DHX34: variants seen among roughly 807,000 people sequenced by gnomAD.
DHX34 encodes probable ATP-dependent RNA helicase DHX34.
Under a neutral mutation model 111.1 loss-of-function variants are expected in DHX34, and 96 were observed. The observed-to-expected ratio is 0.86, with a 90% confidence interval of 0.73 to 1.02. DHX34 has a LOEUF of 1.02. Ranked by LOEUF, DHX34 falls within the 50% of genes least tolerant of loss-of-function variation. The probability of loss-of-function intolerance (pLI) is 0.00; values close to 1 mark genes in which losing one functional copy is unlikely to be tolerated. For missense variants in DHX34, 1,560 were observed against 1,579.9 expected (o/e 0.99, Z 0.21); for synonymous variants, 688 against 670.4 (o/e 1.03, Z -0.41).
At chr19:47,376,655 CGG>C in intron 12 of DHX34, 95 bp downstream of exon 12, 1 of 1,496,954 alleles carries the variant, frequency 6.7e-7, no homozygotes, top group East Asian at 2.5e-5. Flanking sequence ...GCTCCCACAC[CGG>C]CCCAGGCTGG....
chr19:47,351,278 G>A (rs11881901), intron 1 of DHX34, among the ~76,000 whole-genome samples: 14,596 of 146,150 alleles, frequency 0.1, 997 homozygotes, highest in African/African-American at 0.19. Flanking sequence ...TCCAGGGTTC[G>A]AGTGATTCTC....
intron 7 of DHX34, among the ~76,000 whole-genome samples, chr19:47,367,479 G>C (rs1215075546): frequency 6.6e-6 from 1 of 152,200 alleles, no homozygotes; most frequent in Non-Finnish European, 1.5e-5. Context: ...GGGAGTTGCA[G>C]TTTGTAATAC....
chr19:47,373,897 G>A (rs897624070), intron 9 of DHX34, among the ~76,000 whole-genome samples, 197 bp downstream of exon 9: 1 of 152,190 alleles, frequency 6.6e-6, no homozygotes, highest in African/African-American at 2.4e-5. Flanking sequence ...AGGGCTTCCT[G>A]GAGGGGTGGA....
Position 47,359,988 on chromosome 19 carries a change from T to G in DHX34, c.1293T>G (p.Pro431=), listed in dbSNP as rs1314436146. 1.2e-6 allele frequency: 2 copies of G among 1,613,978 alleles called. No individual in the cohort carries two copies. The highest frequency in any genetic ancestry group is 1.7e-6 in the Non-Finnish European group (2 of 1,179,898). Residue 431 remains proline, a synonymous_variant, in exon 5 of 17, where the codon CCT becomes CCG. Transcript: ENST00000328771. ...CCCAGGTATTTGATGTGGCACCCCC[T>G]GGAGTCCGGAAATGCATCCTCTCCA... ...DQDKVFDVAP[P]GVRKCILSTN... is the part of the protein sequence containing the mutation.
Position 47,373,689 on chromosome 19 carries a change from C to T in DHX34, c.2053C>T (p.Arg685Cys), listed in dbSNP as rs763486642. The T allele has an allele frequency of 2.0e-5, 32 of 1,613,678 alleles. No individual in the cohort carries two copies. The highest frequency in any genetic ancestry group is 1.7e-4 in the Middle Eastern group (1 of 6,060). ...HRLYEMANLR[R>C]QFKELLEDHG... ...ACTGTACGAAATGGCCAACCTTCGG[C>T]GCCAGTTCAAGGTGAGGCTCGGGAG... Residue 685 changes from arginine (R) to cysteine (C), a missense_variant, in exon 9 of 17, where the codon CGC becomes TGC. Physicochemically the swap from Arg to Cys is radical, Grantham distance 180. Transcript: ENST00000328771.
At chr19:47,367,789 G>T (rs2463095) in intron 7 of DHX34, among the ~76,000 whole-genome samples, 15,748 of 150,450 alleles carry the variant, frequency 0.1, 1,210 homozygotes, top group African/African-American at 0.22. Flanking sequence ...TTGGGAGGGT[G>T]AGGTAGGAGA....
intron 16 of DHX34, chr19:47,381,760 T>C (rs1970365964): frequency 2.6e-6 from 2 of 771,154 alleles, no homozygotes; most frequent in Non-Finnish European, 3.2e-6. Flanking sequence ...TCCATGTCTC[T>C]CCTTGTGTCT....
intron 4 of DHX34, 47 bp downstream of exon 4, chr19:47,358,167 CAG>C (rs770433636): frequency 4.6e-5 from 73 of 1,579,278 alleles, no homozygotes; most frequent in Middle Eastern, 3.5e-4. Flanking sequence ...CTGCATGAGT[CAG>C]GGGTGGCTGC....
Position 47,355,212 on chromosome 19 carries a change from C to G in DHX34, c.879C>G (p.Gly293=), listed in dbSNP as rs370190392. The G allele has an allele frequency of 1.2e-6, 2 of 1,614,222 alleles. No individual in the cohort carries two copies. Among genetic ancestry groups the G allele is most frequent in the Non-Finnish European group, 1.7e-6 (2 of 1,180,046 alleles). The change falls in exon 3 of 17, where the codon GGC becomes GGG. Residue 293 remains glycine (G), a synonymous_variant. Coordinates refer to ENST00000328771, the MANE Select transcript of DHX34 (RefSeq NM_014681.6). ...ATCTCCACAACGATTTCCTCCTGGG[C>G]GTCCTCCAGCGCCTGTTGCCCACGC... ...ERHLHNDFLL[G]VLQRLLPTRP... is the part of the protein sequence containing the mutation.
chr19:47,376,961 T>C, intron 12 of DHX34, 139 bp from the exon 13 acceptor site: 1 of 1,544,400 alleles, frequency 6.5e-7, no homozygotes, highest in South Asian at 1.2e-5. Flanking sequence ...CTGACCTTCT[T>C]GTCTGAGCCA....
intron 12 of DHX34, 174 bp from the exon 13 acceptor site, chr19:47,376,926 T>C (rs778967169): frequency 8.5e-6 from 13 of 1,536,518 alleles, no homozygotes; most frequent in Non-Finnish European, 1.1e-5. Context: ...CATGGCTGCG[T>C]GCTGGGAGTC....
intron 16 of DHX34, 184 bp from the exon 17 acceptor site, chr19:47,381,796 G>A: frequency 9.9e-6 from 9 of 912,072 alleles, no homozygotes; most frequent in Non-Finnish European, 1.2e-5. Context: ...TCACTGGCAG[G>A]GATGCGGAGT....
intron 7 of DHX34, among the ~76,000 whole-genome samples, chr19:47,368,707 T>C (rs974507363): frequency 9.4e-5 from 14 of 148,576 alleles, no homozygotes; most frequent in Middle Eastern, 6.9e-3. Context: ...TACACACACA[T>C]ATATATATGT....
At chr19:47,368,122 G>A (rs901377697) in intron 7 of DHX34, among the ~76,000 whole-genome samples, 2 of 149,668 alleles carry the variant, frequency 1.3e-5, no homozygotes, top group Non-Finnish European at 3.0e-5. Context: ...GGCCGTATTG[G>A]ACAGTGCAGA....
intron 3 of DHX34, among the ~76,000 whole-genome samples, chr19:47,356,127 C>G (rs958346188): frequency 2.0e-5 from 3 of 152,150 alleles, no homozygotes; most frequent in Non-Finnish European, 4.4e-5. Flanking sequence ...CCACTAGATG[C>G]TAGTAGTCTT....
At chr19:47,356,738 A>G (rs1390252587) in intron 3 of DHX34, among the ~76,000 whole-genome samples, 5 of 151,778 alleles carry the variant, frequency 3.3e-5, no homozygotes, top group South Asian at 4.2e-4. Flanking sequence ...TGGATCACCT[A>G]AGGTCAGGAG....
intron 3 of DHX34, 27 bp downstream of exon 3, chr19:47,355,377 C>CCCCA: frequency 6.3e-7 from 1 of 1,599,886 alleles, no homozygotes. Flanking sequence ...CCTCCCACAT[C>CCCCA]CCCAGACCTC....
In DHX34 at chr19:47,377,291, T is replaced by C; in HGVS notation, c.2706+85T>C. The C allele has an allele frequency of 4.9e-6, 7 of 1,416,204 alleles. No homozygotes were observed. The South Asian group carries it at 7.5e-5, about 15-fold the overall frequency. 87.7% of individuals were successfully genotyped at this position (1,416,204 alleles called of 1,614,324 possible). A position where few individuals can be genotyped will look rare whatever the true frequency, so the allele number is the denominator to read the frequency against. On this transcript the variant is annotated intron_variant, in intron 13 of 16. Transcript: ENST00000328771. ...GGTGGGTGGGGGCACCGCGTGGGCT[T>C]GGAGGGGCCACCTGGCACCTGGGCT...
chr19:47,376,163 G>A (rs1392211963), intron 11 of DHX34, 66 bp downstream of exon 11: 2 of 1,515,882 alleles, frequency 1.3e-6, no homozygotes, highest in Non-Finnish European at 1.8e-6. Flanking sequence ...TGCCTGTCCT[G>A]TGCCGGGAAT....
Sources: gnomAD v4.1 joint callset for allele counts (sites outside exome capture counted in the v4.1 genomes callset) on GRCh38, gnomAD v4.1.1 for gene constraint, MANE v1.5 for transcripts, NCBI Gene and HGNC (gene_info 2026-07-23, HGNC 2026-07-21) for gene names.